Variants in NINJ2 observed in about 807,000 individuals in gnomAD.
NINJ2 encodes ninjurin 2.
Under a neutral mutation model 11.7 loss-of-function variants are expected in NINJ2, and 12 were observed. That is an observed-to-expected ratio of 1.02 (90% CI 0.66 to 1.66). The LOEUF is 1.66. Ranked by LOEUF, NINJ2 falls within the 40% of genes most tolerant of loss-of-function variation. NINJ2 has a pLI of 0.00. For missense variants in NINJ2, 187 were observed against 181.8 expected, an observed-to-expected ratio of 1.03 and a Z score of -0.16; for synonymous variants, 93 against 76.8, an observed-to-expected ratio of 1.21 and a Z score of -1.10.
intron 1 of NINJ2, among the ~76,000 whole-genome samples, chr12:579,015 G>C (rs1028506468): frequency 6.6e-6 from 1 of 152,170 alleles, no homozygotes; most frequent in Non-Finnish European, 1.5e-5. Flanking sequence ...ACCTAAACAC[G>C]GGTAAGTGGA....
chr12:607,119 A>G (rs1947950778), intron 1 of NINJ2, among the ~76,000 whole-genome samples: 1 of 152,152 alleles, frequency 6.6e-6, no homozygotes. Flanking sequence ...TTCTCCTGAT[A>G]TATTGCTACT....
intron 1 of NINJ2, among the ~76,000 whole-genome samples, chr12:659,085 A>T (rs1417381237): frequency 1.3e-5 from 2 of 148,962 alleles, no homozygotes; most frequent in Non-Finnish European, 3.0e-5. Context: ...GCTTATATAT[A>T]TATATGTCTT....
intron 1 of NINJ2, among the ~76,000 whole-genome samples, chr12:650,481 C>T (rs1292787322): frequency 6.6e-6 from 1 of 152,168 alleles, no homozygotes; most frequent in African/African-American, 2.4e-5. Context: ...TAGGGGATCA[C>T]GAGGTCAGGA....
intron 1 of NINJ2, among the ~76,000 whole-genome samples, chr12:652,672 G>T (rs1035422169): frequency 6.6e-6 from 1 of 151,872 alleles, no homozygotes; most frequent in Non-Finnish European, 1.5e-5. Context: ...ATTCAGCCAG[G>T]CGTGGTGACT....
rs549150695 is a variant in NINJ2, at chr12:640,952, T to C, written c.33+22376A>G. ...AGTCCCGGAAGAATGGAAGGAAGGC[T>C]GCAACTTAAGAGACTGCGGTTAGAA... On this transcript the variant is annotated intron_variant, in intron 1 of 3. Coordinates refer to ENST00000305108, the MANE Select transcript of NINJ2 (RefSeq NM_016533.6). The surrounding 1 kb of genome is among the most constrained non-coding windows in gnomAD (Gnocchi z 4.0). 5 of 152,432 alleles carry C rather than the reference T, an allele frequency of 3.3e-5. No individual in the cohort carries two copies. The South Asian group carries it at 1.0e-3, about 32-fold the overall frequency. 9.4% of individuals were successfully genotyped at this position (152,432 alleles called of 1,614,324 possible). A position where few individuals can be genotyped will look rare whatever the true frequency, so the allele number is the denominator to read the frequency against.
At chr12:647,418 C>T (rs983347089) in intron 1 of NINJ2, among the ~76,000 whole-genome samples, 4 of 139,286 alleles carry the variant, frequency 2.9e-5, no homozygotes, top group Admixed American at 1.4e-4. Flanking sequence ...GTAGCACTGA[C>T]AGTGTGGTGG....
chr12:566,067 G>A lies in NINJ2; in HGVS notation c.145C>T (p.Arg49Trp), dbSNP rs774958514. 85 of 1,614,066 alleles carry A rather than the reference G, an allele frequency of 5.3e-5. No homozygotes were observed. Among genetic ancestry groups the A allele is most frequent in the South Asian group, 8.8e-5 (8 of 91,082 alleles). Residue 49 changes from arginine to tryptophan, a missense_variant, in exon 2 of 4, where the codon CGG becomes TGG. By Grantham distance (101) the Arg-to-Trp change is moderately radical. Transcript: ENST00000305108. ...DVALFMSNAM[R>W]LKAVLEQGPS... is the part of the protein sequence containing the mutation. ...CCCTGCTCCAGCACCGCCTTCAGCC[G>A]CATGGCGTTGGACATGAACAGGGCC...
rs555851421 is a variant in NINJ2, at chr12:582,487, G to A, written c.34-16309C>T. Among the ~76,000 whole-genome samples the A allele has an allele frequency of 3.5e-4, 26 of 75,056 alleles. 1 individual carries two copies. Among genetic ancestry groups the A allele is most frequent in the Non-Finnish European group, 3.1e-4 (13 of 42,074 alleles). The allele number at this position is 75,056 out of a possible 152,430, so 49.2% of individuals were successfully genotyped here. A position where few individuals can be genotyped will look rare whatever the true frequency, so the allele number is the denominator to read the frequency against. ...CATGCTAGTGTGAATGAATGAATGG[G>A]CACAGGCAGGCAGGCATGCTAGAGT... is the stretch of plus-strand genomic sequence containing the variant. On this transcript the variant is annotated intron_variant, in intron 1 of 3. Coordinates refer to ENST00000305108, the MANE Select transcript of NINJ2 (RefSeq NM_016533.6).
chr12:599,578 C>A (rs1947838027), intron 1 of NINJ2, among the ~76,000 whole-genome samples: 3 of 152,152 alleles, frequency 2.0e-5, no homozygotes, highest in Non-Finnish European at 4.4e-5. Flanking sequence ...GGGTATTATC[C>A]CCCCATTTAC....
intron 1 of NINJ2, among the ~76,000 whole-genome samples, chr12:627,615 G>T (rs904469700): frequency 6.6e-6 from 1 of 152,240 alleles, no homozygotes; most frequent in Non-Finnish European, 1.5e-5. Flanking sequence ...GACTTCGTGG[G>T]TACAGCTGCA....
chr12:632,530 C>CT (rs1250399672), intron 1 of NINJ2: 1 of 152,382 alleles, frequency 6.6e-6, no homozygotes, highest in African/African-American at 2.4e-5. Context: ...CTTGCTCTCT[C>CT]TTTCTTGTGA....
intron 1 of NINJ2, among the ~76,000 whole-genome samples, chr12:649,798 T>C (rs1372135252): frequency 1.3e-5 from 2 of 152,034 alleles, no homozygotes; most frequent in East Asian, 3.8e-4. Context: ...ACATGTTTAT[T>C]CTATATGATT....
intron 1 of NINJ2, among the ~76,000 whole-genome samples, chr12:608,750 G>C (rs909487932): frequency 6.6e-6 from 1 of 152,160 alleles, no homozygotes; most frequent in Non-Finnish European, 1.5e-5. Flanking sequence ...CAAGAGCTGA[G>C]GTGTCAGAGG....
intron 1 of NINJ2, among the ~76,000 whole-genome samples, chr12:657,205 A>G (rs1486630115): frequency 6.6e-6 from 1 of 152,256 alleles, no homozygotes; most frequent in Non-Finnish European, 1.5e-5. Flanking sequence ...ACAGAATAAG[A>G]CAAGCCACAG....
intron 1 of NINJ2, among the ~76,000 whole-genome samples, chr12:656,932 T>C (rs1258750619): frequency 6.6e-6 from 1 of 152,136 alleles, no homozygotes; most frequent in Non-Finnish European, 1.5e-5. Context: ...GGTGCCAGAA[T>C]AACCGGGCAT....
intron 1 of NINJ2, among the ~76,000 whole-genome samples, chr12:647,681 A>G (rs1004490286): frequency 1.3e-5 from 2 of 152,158 alleles, no homozygotes; most frequent in Non-Finnish European, 2.9e-5. Context: ...TCTCCCATAC[A>G]TCAGTCACTT....
chr12:566,675 C>T (rs1947304931), intron 1 of NINJ2, among the ~76,000 whole-genome samples: 1 of 152,218 alleles, frequency 6.6e-6, no homozygotes, highest in Non-Finnish European at 1.5e-5. Flanking sequence ...AGCTGATCAT[C>T]GGCTGGATTT....
At chr12:643,702 T>G (rs1030877201) in intron 1 of NINJ2, 4 of 987,750 alleles carry the variant, frequency 4.0e-6, no homozygotes, top group Non-Finnish European at 2.4e-6. Flanking sequence ...GCAACGAGTC[T>G]GCCATCAGCC....
intron 1 of NINJ2, among the ~76,000 whole-genome samples, chr12:652,769 G>A (rs1937813005): frequency 1.3e-5 from 2 of 151,590 alleles, no homozygotes; most frequent in South Asian, 4.2e-4. Context: ...CCAATATAGT[G>A]AAACCCCATG....
Sources: allele counts gnomAD v4.1 joint callset (sites outside exome capture counted in the v4.1 genomes callset), GRCh38; gene constraint gnomAD v4.1.1; non-coding constraint Gnocchi (gnomAD v3.1); transcripts MANE v1.5; gene names NCBI Gene and HGNC (gene_info 2026-07-23, HGNC 2026-07-21).